The following PTPRM variants were observed in gnomAD, a reference collection of about 807,000 sequenced individuals.
PTPRM encodes the protein receptor-type tyrosine-protein phosphatase mu.
PTPRM carries 47 observed loss-of-function variants against 186.7 expected under a neutral mutation model. The observed-to-expected ratio is 0.25, with a 90% CI of 0.20 to 0.32. The LOEUF (loss-of-function observed/expected upper bound fraction) is 0.32, where lower values mean the gene tolerates loss of function less well. Ranked by LOEUF, PTPRM falls within the 10% of genes least tolerant of loss-of-function variation. The probability of loss-of-function intolerance (pLI) is 1.00; values close to 1 mark genes in which losing one functional copy is unlikely to be tolerated. For missense variants in PTPRM, 1,494 were observed against 1,865.0 expected (o/e 0.80, Z 3.66); for synonymous variants, 668 against 674.9 (o/e 0.99, Z 0.16).
At chr18:7,801,602 C>T (rs2043972909) in intron 2 of PTPRM, among the ~76,000 whole-genome samples, 1 of 152,134 alleles carries the variant, frequency 6.6e-6, no homozygotes, top group African/African-American at 2.4e-5. Context: ...AAACCAGTAA[C>T]ATAGTCATTT....
At chr18:7,748,402 C>G (rs556381584) in intron 1 of PTPRM, among the ~76,000 whole-genome samples, 1 of 152,098 alleles carries the variant, frequency 6.6e-6, no homozygotes, top group East Asian at 1.9e-4. Flanking sequence ...GGGAGTGCCC[C>G]CTTCTTCCTC....
At chr18:8,088,585 A>G (rs1422642859) in intron 10 of PTPRM, among the ~76,000 whole-genome samples, 164 bp from the exon 11 acceptor site, 1 of 152,208 alleles carries the variant, frequency 6.6e-6, no homozygotes, top group Non-Finnish European at 1.5e-5. Flanking sequence ...TGTCCCTGTG[A>G]TTCTATGTAG....
At chr18:7,814,850 G>A (rs777768110) in intron 2 of PTPRM, 4 of 152,090 alleles carry the variant, frequency 2.6e-5, no homozygotes, top group East Asian at 1.9e-4. Context: ...TGAAACTGAC[G>A]GAATTGTCCC....
chr18:7,698,641 G>T (rs1056332249), intron 1 of PTPRM, among the ~76,000 whole-genome samples: 16 of 152,268 alleles, frequency 1.1e-4, no homozygotes, highest in Middle Eastern at 6.8e-3. Flanking sequence ...ATTCATAAGT[G>T]TTAGAATATG....
chr18:8,363,651 A>T (rs1240582285), intron 23 of PTPRM, among the ~76,000 whole-genome samples: 1 of 152,118 alleles, frequency 6.6e-6, no homozygotes, highest in African/African-American at 2.4e-5. Flanking sequence ...ACATTTGGGG[A>T]ATAGCTAAAA....
intron 5 of PTPRM, among the ~76,000 whole-genome samples, chr18:7,941,244 A>C (rs1338680297): frequency 6.6e-6 from 1 of 152,196 alleles, no homozygotes; most frequent in Non-Finnish European, 1.5e-5. Flanking sequence ...TCCTCTGAAC[A>C]AGTCTGCTTC....
At chr18:8,185,747 AGT>A (rs763765786) in intron 14 of PTPRM, among the ~76,000 whole-genome samples, 1 of 152,220 alleles carries the variant, frequency 6.6e-6, no homozygotes, top group Non-Finnish European at 1.5e-5. Context: ...TATGGAATAG[AGT>A]GTGAAAATCA....
chr18:7,686,985 A>C (rs2039617371), intron 1 of PTPRM, among the ~76,000 whole-genome samples: 1 of 152,330 alleles, frequency 6.6e-6, no homozygotes, highest in South Asian at 2.1e-4. Context: ...TTATAAGACA[A>C]ATATAAGCTG....
chr18:8,028,495 A>T (rs1394267740), intron 7 of PTPRM, among the ~76,000 whole-genome samples: 2 of 152,212 alleles, frequency 1.3e-5, no homozygotes, highest in Non-Finnish European at 2.9e-5. Flanking sequence ...ATTTAGAGAT[A>T]GCACCTTCAG....
intron 19 of PTPRM, among the ~76,000 whole-genome samples, chr18:8,295,169 G>A (rs895390908): frequency 6.6e-6 from 1 of 152,180 alleles, no homozygotes; most frequent in African/African-American, 2.4e-5. Flanking sequence ...CAGCACACAG[G>A]CAGGCAGAGT....
chr18:8,108,381 C>G (rs73387770), intron 11 of PTPRM, among the ~76,000 whole-genome samples: 1 of 152,116 alleles, frequency 6.6e-6, no homozygotes, highest in Non-Finnish European at 1.5e-5. Context: ...CTGTTCTCTT[C>G]CTTACCTCCC....
chr18:8,309,870 C>T (rs1381980915), intron 20 of PTPRM, among the ~76,000 whole-genome samples: 2 of 152,094 alleles, frequency 1.3e-5, no homozygotes, highest in East Asian at 3.8e-4. Context: ...TAAGTCATGT[C>T]TATAGATAAC....
At chr18:8,064,289 A>G (rs141616179) in intron 7 of PTPRM, among the ~76,000 whole-genome samples, 332 of 152,294 alleles carry the variant, frequency 2.2e-3, no homozygotes, top group Non-Finnish European at 3.6e-3. Flanking sequence ...TGGTGAGACT[A>G]TGTCCATCTT....
intron 7 of PTPRM, among the ~76,000 whole-genome samples, chr18:7,958,362 C>T (rs929645524): frequency 1.3e-5 from 2 of 152,070 alleles, no homozygotes; most frequent in African/African-American, 2.4e-5. Context: ...TTAAGAGAGA[C>T]AGCACAAAAT....
Position 8,324,859 on chromosome 18 carries a change from C to A in PTPRM, c.2956+5645C>A, listed in dbSNP as rs369956785. Among the ~76,000 whole-genome samples the A allele has an allele frequency of 8.5e-5, 13 of 152,346 alleles. No individual in the cohort carries two copies. The East Asian group carries it at 2.3e-3, about 27-fold the overall frequency. The stretch of plus-strand genomic sequence containing the variant: ...ACTCCAGCATCAAGGCTCCTCCCCA[C>A]CTCACTATACTGCCTCCCATAGGTG... On this transcript the variant is annotated intron_variant, in intron 22 of 32. Transcript: ENST00000580170.
chr18:7,704,739 A>G (rs1467659724), intron 1 of PTPRM, among the ~76,000 whole-genome samples: 1 of 152,184 alleles, frequency 6.6e-6, no homozygotes, highest in Admixed American at 6.5e-5. Flanking sequence ...CTTTATATCA[A>G]TAGGCAATGA....
chr18:7,731,457 G>GTATTCTACT (rs2040657541), intron 1 of PTPRM, among the ~76,000 whole-genome samples: 1 of 152,062 alleles, frequency 6.6e-6, no homozygotes, highest in Non-Finnish European at 1.5e-5. Context: ...ATCGTTTTAG[G>GTATTCTACT]GCCATAGAAT....
chr18:7,772,726 T>C (rs1459993310), intron 1 of PTPRM, among the ~76,000 whole-genome samples: 1 of 152,084 alleles, frequency 6.6e-6, no homozygotes, highest in Non-Finnish European at 1.5e-5. Flanking sequence ...CTAACATCTG[T>C]TTTTGCTCTG....
intron 32 of PTPRM, among the ~76,000 whole-genome samples, chr18:8,397,967 G>A (rs893225766): frequency 2.6e-4 from 39 of 152,262 alleles, no homozygotes; most frequent in Middle Eastern, 3.4e-3. Flanking sequence ...TTACCCAAAT[G>A]CCTTGGGCAG....
Sources: allele counts gnomAD v4.1 joint callset (sites outside exome capture counted in the v4.1 genomes callset), GRCh38; gene constraint gnomAD v4.1.1; transcripts MANE v1.5; gene names NCBI Gene and HGNC (gene_info 2026-07-23, HGNC 2026-07-21).